ANKS1B: variants seen among roughly 807,000 people sequenced by gnomAD.
The protein encoded by ANKS1B is ankyrin repeat and sterile alpha motif domain containing 1B.
A neutral mutation model predicts 148.3 loss-of-function variants in ANKS1B; 36 were observed. The ratio of observed to expected loss-of-function variants is 0.24; its 90% CI spans 0.19 to 0.32. The LOEUF is 0.32. ANKS1B is among the 10% of genes least tolerant of loss of function. The pLI is 1.00. For synonymous variants in ANKS1B, 542 were observed against 560.8 expected, an observed-to-expected ratio of 0.97 and a Z score of 0.47; for missense variants, 1,157 against 1,542.6, an observed-to-expected ratio of 0.75 and a Z score of 4.19.
intron 14 of ANKS1B, among the ~76,000 whole-genome samples, chr12:99,189,305 A>T (rs985989091): frequency 6.6e-5 from 10 of 152,172 alleles, no homozygotes; most frequent in African/African-American, 2.4e-4. Flanking sequence ...ACTATTCCAA[A>T]CAATAGAAAA....
intron 12 of ANKS1B, among the ~76,000 whole-genome samples, chr12:99,320,416 T>A (rs1009682169): frequency 5.3e-5 from 8 of 152,154 alleles, no homozygotes; most frequent in Non-Finnish European, 1.2e-4. Flanking sequence ...CCTCTAAACT[T>A]CTCTTCTCGC....
intron 12 of ANKS1B, among the ~76,000 whole-genome samples, chr12:99,356,161 C>T (rs577758121): frequency 4.5e-4 from 69 of 152,200 alleles, no homozygotes; most frequent in African/African-American, 1.5e-3. Flanking sequence ...AGATGCCCAA[C>T]GAAGACGCTT....
intron 1 of ANKS1B, among the ~76,000 whole-genome samples, chr12:99,830,835 C>A (rs530615640): frequency 6.6e-6 from 1 of 152,304 alleles, no homozygotes; most frequent in East Asian, 1.9e-4. Flanking sequence ...ACCACACAGG[C>A]CTCCTTAAAA....
Position 99,389,397 on chromosome 12 carries a change from T to G in ANKS1B, c.1756+10234A>C, listed in dbSNP as rs144419137. ...GAATAGAGAAAAAGGACTTGTAGTT[T>G]GAAAACTGTTTTCAACTAGGGGGAA... On this transcript the variant is annotated intron_variant, in intron 12 of 26. Coordinates refer to ENST00000683438, the MANE Select transcript of ANKS1B (RefSeq NM_001352186.2). 6.0e-4 allele frequency among the ~76,000 whole-genome samples: 91 copies of G among 152,352 alleles called. No individual in the cohort carries two copies. In the East Asian group the frequency reaches 0.015, roughly 25 times the overall value.
chr12:98,977,163 A>C (rs1240859118), intron 17 of ANKS1B, among the ~76,000 whole-genome samples: 2 of 152,228 alleles, frequency 1.3e-5, no homozygotes, highest in African/African-American at 4.8e-5. Context: ...AAAATTCTAA[A>C]GGCTGAGGTT....
At chr12:98,834,851 C>T (rs2099352984) in intron 17 of ANKS1B, among the ~76,000 whole-genome samples, 1 of 152,090 alleles carries the variant, frequency 6.6e-6, no homozygotes, top group African/African-American at 2.4e-5. Context: ...ATAATTCCTC[C>T]ATCTCAGAAA....
chr12:99,194,770 T>C (rs2081187333), intron 14 of ANKS1B, among the ~76,000 whole-genome samples: 1 of 152,180 alleles, frequency 6.6e-6, no homozygotes, highest in Non-Finnish European at 1.5e-5. Context: ...AAAGTTGTTA[T>C]TTTTACATGC....
chr12:99,438,704 A>T (rs2095500520), intron 11 of ANKS1B, among the ~76,000 whole-genome samples: 1 of 151,896 alleles, frequency 6.6e-6, no homozygotes, highest in Non-Finnish European at 1.5e-5. Context: ...AAAGTAAAAC[A>T]ATGTAATCTG....
intron 8 of ANKS1B, among the ~76,000 whole-genome samples, chr12:99,683,205 T>A (rs1015946283): frequency 1.3e-5 from 2 of 152,022 alleles, no homozygotes; most frequent in Non-Finnish European, 2.9e-5. Flanking sequence ...AAGATGAGAT[T>A]TGGGTGGGGA....
chr12:98,807,758 C>A, intron 20 of ANKS1B, 86 bp downstream of exon 20: 1 of 1,142,030 alleles, frequency 8.8e-7, no homozygotes, highest in Non-Finnish European at 1.3e-6. Context: ...ATTGCCAGGA[C>A]ACAGTACCTA....
chr12:99,483,834 T>C lies in ANKS1B; in HGVS notation c.1438+20642A>G, dbSNP rs569415322. Among the ~76,000 whole-genome samples, 164 of 152,162 alleles carry C rather than the reference T, an allele frequency of 1.1e-3. 3 individuals carry two copies. In the South Asian group the frequency reaches 0.033, roughly 31 times the overall value. Reference sequence around the variant, plus strand: ...AATGATCTTTTGTATTTTTGTGGTATTGGTTGTAATGTATCCAGTTTCATT... The same window carrying C: ...AATGATCTTTTGTATTTTTGTGGTACTGGTTGTAATGTATCCAGTTTCATT... On this transcript the variant is annotated intron_variant, in intron 10 of 26. Coordinates refer to ENST00000683438, the MANE Select transcript of ANKS1B (RefSeq NM_001352186.2).
At chr12:99,057,612 C>T (rs2153545343) in intron 16 of ANKS1B, among the ~76,000 whole-genome samples, 1 of 152,284 alleles carries the variant, frequency 6.6e-6, no homozygotes, top group Non-Finnish European at 1.5e-5. Context: ...TCTTCGTTCT[C>T]TTACTGTATT....
intron 14 of ANKS1B, among the ~76,000 whole-genome samples, chr12:99,168,720 T>C (rs908847092): frequency 5.9e-5 from 9 of 152,038 alleles, no homozygotes; most frequent in African/African-American, 2.2e-4. Context: ...GAACAGTAAA[T>C]TTGAGGACCA....
intron 15 of ANKS1B, among the ~76,000 whole-genome samples, chr12:99,113,270 C>A (rs986620625): frequency 7.2e-5 from 11 of 152,032 alleles, no homozygotes; most frequent in African/African-American, 2.7e-4. Context: ...CTGACCTGAA[C>A]GAATGGGAAG....
intron 9 of ANKS1B, among the ~76,000 whole-genome samples, chr12:99,647,353 T>C (rs945360636): frequency 6.6e-6 from 1 of 152,236 alleles, no homozygotes; most frequent in Non-Finnish European, 1.5e-5. Flanking sequence ...TAATGCTGTT[T>C]ATAATTTTTT....
intron 9 of ANKS1B, among the ~76,000 whole-genome samples, chr12:99,601,383 C>T (rs1351298090): frequency 6.6e-6 from 1 of 152,006 alleles, no homozygotes; most frequent in East Asian, 1.9e-4. Context: ...TATTTTATCT[C>T]AAATTTTAAC....
chr12:98,853,193 T>G (rs939315470), intron 17 of ANKS1B, among the ~76,000 whole-genome samples: 1 of 152,178 alleles, frequency 6.6e-6, no homozygotes, highest in Admixed American at 6.5e-5. Flanking sequence ...AAACCCGGGT[T>G]TGAGGTATGG....
chr12:99,842,095 A>G (rs887009355), intron 1 of ANKS1B, among the ~76,000 whole-genome samples: 2 of 152,098 alleles, frequency 1.3e-5, no homozygotes, highest in Admixed American at 1.3e-4. Flanking sequence ...AAAGCATTAT[A>G]GGCTGTGACA....
At chr12:99,614,920 G>A (rs2097939362) in intron 9 of ANKS1B, among the ~76,000 whole-genome samples, 1 of 150,922 alleles carries the variant, frequency 6.6e-6, no homozygotes, top group Admixed American at 6.6e-5. Flanking sequence ...TTAGTTTAAG[G>A]TTTTTCCAGT....
Sources: gnomAD v4.1 joint callset for allele counts (sites outside exome capture counted in the v4.1 genomes callset) on GRCh38, gnomAD v4.1.1 for gene constraint, MANE v1.5 for transcripts, NCBI Gene and HGNC (gene_info 2026-07-23, HGNC 2026-07-21) for gene names.